Variants in ZNF208 observed in about 807,000 individuals in gnomAD.
ZNF208 encodes the protein zinc finger protein 208, also known as zinc finger protein 95.
ZNF208 carries 10 observed loss-of-function variants against 12.1 expected under a neutral mutation model. The ratio of observed to expected loss-of-function variants is 0.83; its 90% CI spans 0.51 to 1.40. ZNF208 has a LOEUF of 1.40. ZNF208 is among the 40% of genes most tolerant of loss of function. The pLI is 0.00. For missense variants in ZNF208, 1,652 were observed against 1,485.0 expected (o/e 1.11, Z -1.85); for synonymous variants, 497 against 488.4 (o/e 1.02, Z -0.23).
Position 21,974,036 on chromosome 19 carries a change from G to A in ZNF208, c.998C>T (p.Ala333Val), listed in dbSNP as rs1419557057. 1.2e-5 allele frequency: 16 copies of A among 1,330,540 alleles called. 1 individual carries two copies. The highest frequency in any genetic ancestry group is 3.5e-5 in the East Asian group (1 of 28,620). 82.4% of individuals were successfully genotyped at this position (1,330,540 alleles called of 1,614,324 possible). A position where few individuals can be genotyped will look rare whatever the true frequency, so the allele number is the denominator to read the frequency against. Residue 333 changes from alanine to valine, a missense_variant, in exon 4 of 4, where the codon GCA becomes GTA. Physicochemically the swap from Ala to Val is moderately conservative, Grantham distance 64. Transcript: ENST00000397126. ...SKVSTLITHKAIHAGEKPYKC... is the reference protein window; with the variant it reads ...SKVSTLITHKVIHAGEKPYKC... ...GTAGGGCTTCTCTCCAGCATGAATT[G>A]CCTTATGTGTAATAAGGGTTGAGAC...
At chr19:21,942,611 A>C (rs1969758341) in intron 4 of ZNF208, among the ~76,000 whole-genome samples, 1 of 152,052 alleles carries the variant, frequency 6.6e-6, no homozygotes, top group South Asian at 2.1e-4. Flanking sequence ...GCCAGATTCC[A>C]ATTTATTTTC....
chr19:21,995,212 A>G (rs1970812804), intron 1 of ZNF208, among the ~76,000 whole-genome samples: 1 of 152,170 alleles, frequency 6.6e-6, no homozygotes, highest in Admixed American at 6.5e-5. Context: ...TTGGCTTCCC[A>G]AAGTGCTGGG....
At chr19:21,941,219 A>G in intron 4 of ZNF208, 1 of 397,938 alleles carries the variant, frequency 2.5e-6, no homozygotes, top group Non-Finnish European at 4.4e-6. Context: ...TGGAGCAGCA[A>G]AGCAAACACC....
At chr19:21,975,109 A>G (rs1375280156) in intron 3 of ZNF208, among the ~76,000 whole-genome samples, 2 of 152,110 alleles carry the variant, frequency 1.3e-5, no homozygotes, top group African/African-American at 4.8e-5. Context: ...GTTCCTCAAT[A>G]TTACCTAGTA....
At chr19:21,962,156 T>A (rs1970082115), downstream of ZNF208, among the ~76,000 whole-genome samples, 1 of 152,122 alleles carries the variant, frequency 6.6e-6, no homozygotes, top group South Asian at 2.1e-4. Flanking sequence ...CAATGAAATC[T>A]TCACAATTTA....
chr19:21,978,340 G>A lies in ZNF208; in HGVS notation c.227-3533C>T, dbSNP rs545646024. Among the ~76,000 whole-genome samples the A allele has an allele frequency of 3.0e-3, 462 of 152,296 alleles. 4 individuals carry two copies. Among genetic ancestry groups the A allele is most frequent in the African/African-American group, 0.011 (442 of 41,576 alleles). On this transcript the variant is annotated intron_variant, in intron 3 of 3. Transcript: ENST00000397126. ...ACAAGAGAGCTCTGGCTGGCACATGGCAGGTGGCCTTGGGACGAAGCTTCC... is the reference window on the plus strand; with the variant it reads ...ACAAGAGAGCTCTGGCTGGCACATGACAGGTGGCCTTGGGACGAAGCTTCC...
chr19:21,958,715 A>G (rs1970016718), intron 4 of ZNF208, among the ~76,000 whole-genome samples: 1 of 147,236 alleles, frequency 6.8e-6, no homozygotes, highest in African/African-American at 2.5e-5. Context: ...AGATACTTAA[A>G]CCAGCCCTGG....
downstream of ZNF208, among the ~76,000 whole-genome samples, chr19:21,964,800 ATAATT>A (rs1970136303): frequency 6.6e-6 from 1 of 151,908 alleles, no homozygotes; most frequent in African/African-American, 2.4e-5. Flanking sequence ...TTCCAATTGA[ATAATT>A]TAAGTTTTCT....
At chr19:22,001,095 C>A (rs1970938414) in intron 1 of ZNF208, among the ~76,000 whole-genome samples, 1 of 152,070 alleles carries the variant, frequency 6.6e-6, no homozygotes, top group South Asian at 2.1e-4. Flanking sequence ...TCGAGACCAG[C>A]CTCAACCTGG....
chr19:21,980,146 G>C (rs1329570038), intron 3 of ZNF208, among the ~76,000 whole-genome samples: 1 of 151,740 alleles, frequency 6.6e-6, no homozygotes, highest in South Asian at 2.1e-4. Context: ...TAATATCCCA[G>C]TGTCAATATT....
chr19:21,948,582 A>G (rs533810453), intron 4 of ZNF208, among the ~76,000 whole-genome samples: 2 of 152,272 alleles, frequency 1.3e-5, no homozygotes, highest in Non-Finnish European at 2.9e-5. Context: ...ATGCCCAATA[A>G]ACATGGTGTT....
intron 1 of ZNF208, among the ~76,000 whole-genome samples, chr19:22,009,744 C>T (rs1971108852): frequency 1.0e-5 from 1 of 98,318 alleles, no homozygotes. Flanking sequence ...GAGACTTGGT[C>T]TCAAAAAAAA....
At chr19:21,941,731 A>C (rs1451268974) in intron 4 of ZNF208, among the ~76,000 whole-genome samples, 3 of 152,220 alleles carry the variant, frequency 2.0e-5, no homozygotes, top group Admixed American at 1.3e-4. Context: ...TAAAGGCTCA[A>C]AGTAACAAAT....
At chr19:22,000,035 A>G (rs1029767699) in intron 1 of ZNF208, among the ~76,000 whole-genome samples, 4 of 152,208 alleles carry the variant, frequency 2.6e-5, no homozygotes, top group African/African-American at 9.6e-5. Context: ...GTGTTATAAA[A>G]AAACTCCATG....
chr19:22,010,548 G>A (rs896338229), intron 1 of ZNF208, among the ~76,000 whole-genome samples: 12 of 152,212 alleles, frequency 7.9e-5, no homozygotes, highest in African/African-American at 2.9e-4. Context: ...GGTGCAGAGC[G>A]GCCCCAAGAG....
At chr19:22,009,849 C>T (rs746793311) in intron 1 of ZNF208, among the ~76,000 whole-genome samples, 57 of 152,178 alleles carry the variant, frequency 3.7e-4, no homozygotes, top group Non-Finnish European at 6.8e-4. Context: ...CAATTAACCT[C>T]TGATTACATA....
intron 4 of ZNF208, among the ~76,000 whole-genome samples, chr19:21,955,366 T>A (rs573591774): frequency 3.3e-5 from 5 of 152,346 alleles, no homozygotes; most frequent in African/African-American, 1.2e-4. Flanking sequence ...TGAATTTGAA[T>A]GTTGGCCTGC....
At chr19:21,946,076 T>C (rs1969811714) in intron 4 of ZNF208, among the ~76,000 whole-genome samples, 1 of 152,228 alleles carries the variant, frequency 6.6e-6, no homozygotes, top group Admixed American at 6.5e-5. Context: ...AAATGTCTGC[T>C]CTTTGCATAG....
Position 21,975,851 on chromosome 19 carries a change from A to AAAAAAAAAG in ZNF208, c.227-1045_227-1044insCTTTTTTTT, listed in dbSNP as rs377638519. On this transcript the variant is annotated intron_variant, in intron 3 of 3. Transcript: ENST00000397126. ...AAAAAAAAAAAAAAAAAAAAAAAAA[A>AAAAAAAAAG]GCTATCAAGTGAGAATAATACCATC... Among the ~76,000 whole-genome samples the AAAAAAAAAG allele has an allele frequency of 2.5e-3, 232 of 91,868 alleles. 49 individuals are homozygous for AAAAAAAAAG. The highest frequency in any genetic ancestry group is 9.1e-3 in the African/African-American group (199 of 21,962). 60.3% of individuals were successfully genotyped at this position (91,868 alleles called of 152,430 possible).
Sources: gnomAD v4.1 joint callset for allele counts (sites outside exome capture counted in the v4.1 genomes callset) on GRCh38, gnomAD v4.1.1 for gene constraint, MANE v1.5 for transcripts, NCBI Gene and HGNC (gene_info 2026-07-23, HGNC 2026-07-21) for gene names.